The following TENM4 variants were observed in gnomAD, a reference collection of about 807,000 sequenced individuals.
TENM4 encodes teneurin transmembrane protein 4.
Under a neutral mutation model 243.3 loss-of-function variants are expected in TENM4, and 82 were observed. That is an observed-to-expected ratio of 0.34 (90% CI 0.28 to 0.40). The LOEUF (loss-of-function observed/expected upper bound fraction) is 0.40. Among genes scored for constraint, TENM4 ranks in the 10% least tolerant of loss-of-function variants. TENM4 has a pLI of 1.00. For synonymous variants in TENM4, 1,412 were observed against 1,456.3 expected, an observed-to-expected ratio of 0.97 and a Z score of 0.69; for missense variants, 3,138 against 3,673.3, an observed-to-expected ratio of 0.85 and a Z score of 3.77.
In TENM4 at chr11:78,926,951, A is replaced by G. The variant is rs534140060; in HGVS notation, c.494-23428T>C. 4.6e-5 allele frequency among the ~76,000 whole-genome samples: 7 copies of G among 152,334 alleles called. No homozygotes were observed. In the East Asian group the frequency reaches 1.2e-3, roughly 25 times the overall value. ...AGATAAAGATTAAAATCTTTATGATACTGTACATTTTTGTTGCTTGTTATA... is the reference window on the plus strand; with the variant it reads ...AGATAAAGATTAAAATCTTTATGATGCTGTACATTTTTGTTGCTTGTTATA... On this transcript the variant is annotated intron_variant, in intron 6 of 33. Transcript: ENST00000278550.
chr11:79,386,228 C>T (rs1222756048), intron 1 of TENM4, among the ~76,000 whole-genome samples: 3 of 152,068 alleles, frequency 2.0e-5, no homozygotes, highest in Non-Finnish European at 4.4e-5. Context: ...AAACAATGAA[C>T]CTTGATCACG....
intron 4 of TENM4, among the ~76,000 whole-genome samples, chr11:79,120,319 A>G (rs1269904792): frequency 6.6e-6 from 1 of 152,246 alleles, no homozygotes; most frequent in Non-Finnish European, 1.5e-5. Flanking sequence ...TAACACCTGT[A>G]CTCACTTATT....
chr11:78,880,932 A>G (rs1274770825), intron 9 of TENM4, among the ~76,000 whole-genome samples: 1 of 152,156 alleles, frequency 6.6e-6, no homozygotes, highest in African/African-American at 2.4e-5. Context: ...TCAAAGGGGC[A>G]TGAGGGAACT....
chr11:79,298,517 G>C (rs1265760389), intron 1 of TENM4, among the ~76,000 whole-genome samples: 1 of 100,144 alleles, frequency 1.0e-5, no homozygotes, highest in Non-Finnish European at 1.8e-5. Flanking sequence ...GCAAGACTCC[G>C]TCTCAAAAAA....
intron 1 of TENM4, among the ~76,000 whole-genome samples, chr11:79,333,929 T>A (rs1039100857): frequency 6.6e-6 from 1 of 152,224 alleles, no homozygotes; most frequent in African/African-American, 2.4e-5. Flanking sequence ...TTCACACTTG[T>A]ACCTGTTCAA....
rs761364307 is a variant in TENM4, at chr11:79,267,746, G to A, written c.-265+29742C>T. 9.9e-5 allele frequency among the ~76,000 whole-genome samples: 15 copies of A among 152,274 alleles called. 1 individual carries two copies. In the South Asian group the frequency reaches 1.7e-3, roughly 17 times the overall value. Reference sequence around the variant, plus strand: ...GCACATAATAAATTCTTGATAAACTGTAGTTTGTTGAAAACAAAAAGATTA... The same window carrying A: ...GCACATAATAAATTCTTGATAAACTATAGTTTGTTGAAAACAAAAAGATTA... On this transcript the variant is annotated intron_variant, in intron 2 of 33. Coordinates refer to ENST00000278550, the MANE Select transcript of TENM4 (RefSeq NM_001098816.3).
chr11:79,119,123 C>T (rs1861684049), intron 4 of TENM4, among the ~76,000 whole-genome samples: 1 of 152,156 alleles, frequency 6.6e-6, no homozygotes, highest in Admixed American at 6.5e-5. Context: ...TGGGTGCCCT[C>T]ACTAAATAGC....
At chr11:78,820,157 A>G (rs192379452) in intron 12 of TENM4, among the ~76,000 whole-genome samples, 1 of 152,400 alleles carries the variant, frequency 6.6e-6, no homozygotes, top group East Asian at 1.9e-4. Context: ...GGTTGAAGGA[A>G]GAGTCCAACA....
rs532916197 is a variant in TENM4, at chr11:79,360,102, T to A, written c.-320-62559A>T. Among the ~76,000 whole-genome samples, 18 of 152,282 alleles carry A rather than the reference T, an allele frequency of 1.2e-4. 1 individual carries two copies. Among genetic ancestry groups the A allele is most frequent in the Admixed American group, 2.0e-4 (3 of 15,304 alleles). On this transcript the variant is annotated intron_variant, in intron 1 of 33. Transcript: ENST00000278550. ...GAGCCACAGCCTCTTCCTCAGTGGG[T>A]CCCTATGGTACTTTGTGCAGTTGGA...
chr11:79,063,067 A>G (rs549214324), intron 6 of TENM4, among the ~76,000 whole-genome samples: 5 of 152,266 alleles, frequency 3.3e-5, no homozygotes, highest in Admixed American at 6.5e-5. Context: ...CCACCCCTAG[A>G]CAAGTACACA....
chr11:79,091,957 T>C (rs774164007), intron 4 of TENM4, among the ~76,000 whole-genome samples: 9 of 151,938 alleles, frequency 5.9e-5, no homozygotes, highest in Non-Finnish European at 1.3e-4. Flanking sequence ...GGAGCTTCCT[T>C]AGATGCCCTC....
intron 2 of TENM4, among the ~76,000 whole-genome samples, chr11:79,236,268 T>C (rs181671790): frequency 9.8e-5 from 15 of 152,328 alleles, no homozygotes; most frequent in African/African-American, 3.6e-4. Flanking sequence ...ACCTCGTTAT[T>C]TGTGGAAATC....
chr11:79,438,819 A>C lies in TENM4; in HGVS notation c.-321+1690T>G, dbSNP rs892018566. On this transcript the variant is annotated intron_variant, in intron 1 of 33. Coordinates refer to ENST00000278550, the MANE Select transcript of TENM4 (RefSeq NM_001098816.3). This position sits in a 1 kb window ranked among gnomAD's most constrained non-coding sequence, Gnocchi z 4.1. ...ACTCCTCCTCTGCGATCAATTCCGG[A>C]TGCCCCCACTTAGTCCCTGCCTCGG... The C allele has an allele frequency of 6.6e-6, 1 of 152,274 alleles. No individual in the cohort carries two copies. The highest frequency in any genetic ancestry group is 2.1e-4 in the South Asian group (1 of 4,816). 9.4% of individuals were successfully genotyped at this position (152,274 alleles called of 1,614,324 possible).
At position 79,375,892 on chromosome 11, in the gene TENM4, C is replaced by T. The variant is rs550382825; in HGVS notation, c.-321+64617G>A. 2.5e-4 allele frequency among the ~76,000 whole-genome samples: 38 copies of T among 152,264 alleles called. 1 individual carries two copies. The South Asian group carries it at 7.1e-3, about 28-fold the overall frequency. ...GTGTGGCTGGCAGTAGGAAGTTTAG[C>T]ATTGTGGGATCACCACAGTGGGAGG... On this transcript the variant is annotated intron_variant, in intron 1 of 33. Transcript: ENST00000278550.
intron 1 of TENM4, among the ~76,000 whole-genome samples, chr11:79,402,716 C>A (rs1322302520): frequency 6.6e-6 from 1 of 152,188 alleles, no homozygotes; most frequent in Non-Finnish European, 1.5e-5. Context: ...CTTCCCCAAC[C>A]TCTGGGCAGA....
At chr11:79,339,476 G>T (rs549394) in intron 1 of TENM4, among the ~76,000 whole-genome samples, 124,606 of 152,164 alleles carry the variant, frequency 0.82, 51,724 homozygotes, top group African/African-American at 0.94. Context: ...GGTCAAGGGC[G>T]CCTGTGCAGA....
intron 7 of TENM4, 139 bp from the exon 8 acceptor site, chr11:78,891,475 G>A (rs963882875): frequency 6.9e-6 from 5 of 719,806 alleles, no homozygotes; most frequent in African/African-American, 6.9e-5. Flanking sequence ...CAATGGGTCA[G>A]TGTGCAAGCC....
chr11:79,137,542 G>A (rs1276848019), intron 4 of TENM4, among the ~76,000 whole-genome samples: 1 of 152,180 alleles, frequency 6.6e-6, no homozygotes, highest in Non-Finnish European at 1.5e-5. Flanking sequence ...TACAGAATGT[G>A]TAGTAGAAGA....
chr11:78,903,478 G>C lies in TENM4; in HGVS notation c.539C>G (p.Pro180Arg). 6.5e-7 allele frequency: 1 copy of C among 1,547,814 alleles called. No homozygotes were observed. Among genetic ancestry groups the C allele is most frequent in the Non-Finnish European group, 8.7e-7 (1 of 1,145,956 alleles). Reference sequence around the variant, plus strand: ...GGTGTGGGCGTGCGAGAGCGGCGGCGGCGGCGTCCGGAGCCGCGCGTGGTT... The same window carrying C: ...GGTGTGGGCGTGCGAGAGCGGCGGCCGCGGCGTCCGGAGCCGCGCGTGGTT... The part of the protein sequence containing the change: ...LQNHARLRTP[P>R]PPLSHAHTPN... Residue 180 changes from proline (P) to arginine (R), a missense_variant, in exon 7 of 34, where the codon CCG (proline) becomes CGG (arginine). Coordinates refer to ENST00000278550, the MANE Select transcript of TENM4 (RefSeq NM_001098816.3).
Sources: allele counts gnomAD v4.1 joint callset (sites outside exome capture counted in the v4.1 genomes callset), GRCh38; gene constraint gnomAD v4.1.1; non-coding constraint Gnocchi (gnomAD v3.1); transcripts MANE v1.5; gene names NCBI Gene and HGNC (gene_info 2026-07-23, HGNC 2026-07-21).